PGAP3: variants seen among roughly 807,000 people sequenced by gnomAD.
PGAP3 encodes the protein GPI-specific phospholipase A2-like PGAP3.
PGAP3 carries 31 observed loss-of-function variants against 40.3 expected under a neutral mutation model. That is an observed-to-expected ratio of 0.77 (90% CI 0.58 to 1.04). PGAP3 has a LOEUF of 1.04. PGAP3 is among the 50% of genes least tolerant of loss of function. The probability of loss-of-function intolerance (pLI) is 0.00; values close to 1 mark genes in which losing one functional copy is unlikely to be tolerated. For synonymous variants in PGAP3, 191 were observed against 184.5 expected (o/e 1.04, Z -0.29); for missense variants, 413 against 423.0 (o/e 0.98, Z 0.21).
At chr17:39,687,518 C>CA (rs1567881203) in intron 1 of PGAP3, among the ~76,000 whole-genome samples, 1 of 152,244 alleles carries the variant, frequency 6.6e-6, no homozygotes, top group Non-Finnish European at 1.5e-5. Context: ...CTCTGCCTTG[C>CA]ACTTGAAAAG....
intron 3 of PGAP3, among the ~76,000 whole-genome samples, chr17:39,680,708 TC>T (rs2057428644): frequency 1.3e-5 from 2 of 152,180 alleles, no homozygotes; most frequent in African/African-American, 4.8e-5. Context: ...CACCTGCCCC[TC>T]CGGCTACTCC....
At chr17:39,672,941 C>T (rs1393284839) in intron 7 of PGAP3, 75 bp from the exon 8 acceptor site, 1 of 1,587,050 alleles carries the variant, frequency 6.3e-7, no homozygotes, top group East Asian at 2.2e-5. Context: ...GGGGTGCATG[C>T]AGGCAAGGTG....
Position 39,688,009 on chromosome 17 carries a change from G to A in PGAP3, c.6C>T (p.Ala2=), listed in dbSNP as rs199645746. 47 of 1,406,556 alleles carry A rather than the reference G, an allele frequency of 3.3e-5. No individual in the cohort carries two copies. In the East Asian group the frequency reaches 4.9e-4, roughly 15 times the overall value. 87.1% of individuals were successfully genotyped at this position (1,406,556 alleles called of 1,614,324 possible). A position where few individuals can be genotyped will look rare whatever the true frequency, so the allele number is the denominator to read the frequency against. The change falls in exon 1 of 8, where the codon GCC becomes GCT. Residue 2 remains alanine (A), a synonymous_variant. Coordinates refer to ENST00000300658, the MANE Select transcript of PGAP3 (RefSeq NM_033419.5). ...GCAGGACCAACCGCGCCGCCAGGCC[G>A]GCCATCCTTTCTCCCTGGCTCGCCG... is the stretch of plus-strand genomic sequence containing the variant. M[A]GLAARLVLLA... is the part of the protein sequence containing the mutation.
intron 3 of PGAP3, among the ~76,000 whole-genome samples, chr17:39,683,374 G>A (rs1365916579): frequency 6.6e-6 from 1 of 152,188 alleles, no homozygotes; most frequent in Non-Finnish European, 1.5e-5. Context: ...CCCCAGGGAA[G>A]CCTTCCCTGA....
intron 2 of PGAP3, 43 bp from the exon 3 acceptor site, chr17:39,684,792 C>A: frequency 6.6e-7 from 1 of 1,518,848 alleles, no homozygotes; most frequent in Non-Finnish European, 8.8e-7. Flanking sequence ...GGCAGGCAAC[C>A]CTCAACTGGC....
chr17:39,674,098 C>T (rs773223819), intron 4 of PGAP3, 44 bp from the exon 5 acceptor site: 71 of 1,586,896 alleles, frequency 4.5e-5, no homozygotes, highest in Middle Eastern at 1.7e-4. Flanking sequence ...TGAGGCTTCA[C>T]GGAGAGGACC....
chr17:39,676,370 G>C (rs1235660436), intron 3 of PGAP3, among the ~76,000 whole-genome samples: 5 of 152,178 alleles, frequency 3.3e-5, no homozygotes, highest in South Asian at 2.1e-4. Flanking sequence ...CAGCAGGAAG[G>C]GGGAGGTGAG....
At chr17:39,672,926 A>T in intron 7 of PGAP3, 60 bp from the exon 8 acceptor site, 1 of 1,593,430 alleles carries the variant, frequency 6.3e-7, no homozygotes, top group Non-Finnish European at 8.6e-7. Context: ...CATGGAGACA[A>T]GGGTGGGGTG....
chr17:39,684,862 G>A, intron 2 of PGAP3, 113 bp from the exon 3 acceptor site: 1 of 1,324,752 alleles, frequency 7.5e-7, no homozygotes, highest in Non-Finnish European at 1.0e-6. Context: ...CCTCAGCTCT[G>A]GAGTTTGGCC....
chr17:39,678,059 G>A (rs565482354), intron 3 of PGAP3, among the ~76,000 whole-genome samples: 39 of 152,300 alleles, frequency 2.6e-4, no homozygotes, highest in African/African-American at 8.9e-4. Context: ...CCTGAGAGAA[G>A]GGAGACAGAG....
At chr17:39,676,133 G>T (rs79524843) in intron 3 of PGAP3, among the ~76,000 whole-genome samples, 8,241 of 152,256 alleles carry the variant, frequency 0.054, 406 homozygotes, top group African/African-American at 0.13. Context: ...ACTGAACCTG[G>T]TGGCTTCTCA....
In PGAP3 at chr17:39,680,860, C is replaced by CT. The variant is rs112398620; in HGVS notation, c.432+3736dup. Among the ~76,000 whole-genome samples the CT allele has an allele frequency of 3.4e-3, 493 of 146,536 alleles. 4 individuals are homozygous for CT. The highest frequency in any genetic ancestry group is 0.031 in the South Asian group (144 of 4,638). Reference sequence around the variant, plus strand: ...CCACACCCACAGCTTCTATCACTGTCTTTTTTTTTTTTAAAGACAGGTCAC... The same window carrying CT: ...CCACACCCACAGCTTCTATCACTGTCTTTTTTTTTTTTTAAAGACAGGTCAC... On this transcript the variant is annotated intron_variant, in intron 3 of 7. Coordinates refer to ENST00000300658, the MANE Select transcript of PGAP3 (RefSeq NM_033419.5).
chr17:39,674,018 G>A lies in PGAP3; in HGVS notation c.532C>T (p.His178Tyr), dbSNP rs1286509958. 2 of 1,614,108 alleles carry A rather than the reference G, an allele frequency of 1.2e-6. No individual in the cohort carries two copies. The highest frequency in any genetic ancestry group is 2.2e-5 in the East Asian group (1 of 44,888). Residue 178 changes from histidine (H) to tyrosine (Y), a missense_variant, in exon 5 of 8, where the codon CAC (histidine) becomes TAC (tyrosine). Physicochemically the swap from His to Tyr is moderately conservative, Grantham distance 83. Transcript: ENST00000300658. The part of the protein sequence containing the change: ...DYFCASTVIL[H>Y]SIYLCCVRTV... ...CTGACGCAGCACAGGTAGATTGAGT[G>A]TAGGATGACAGTGGAGGCACAGAAG...
chr17:39,681,443 C>T (rs1042553894), intron 3 of PGAP3, among the ~76,000 whole-genome samples: 9 of 152,122 alleles, frequency 5.9e-5, no homozygotes, highest in East Asian at 3.8e-4. Context: ...ATTGAGCCCC[C>T]GCACTAGACC....
chr17:39,680,170 C>T (rs570087244), intron 3 of PGAP3, among the ~76,000 whole-genome samples: 2 of 152,348 alleles, frequency 1.3e-5, no homozygotes, highest in South Asian at 2.1e-4. Context: ...TCACAGGACA[C>T]GGAGTGGCCT....
In PGAP3 at chr17:39,687,826, G is replaced by C; in HGVS notation, c.181+8C>G. On this transcript the variant is annotated splice_region_variant and intron_variant, in intron 1 of 7. Transcript: ENST00000300658. ...ATGGGCGGGGCTTACCGTGGGGGTG[G>C]GGCTTACCTGCTAGACTCATGTAGA... 1.4e-6 allele frequency: 2 copies of C among 1,425,524 alleles called. No homozygotes were observed. The highest frequency in any genetic ancestry group is 1.9e-6 in the Non-Finnish European group (2 of 1,071,208). The allele number at this position is 1,425,524 out of a possible 1,614,324, so 88.3% of individuals were successfully genotyped here. A position where few individuals can be genotyped will look rare whatever the true frequency, so the allele number is the denominator to read the frequency against.
chr17:39,687,914 A>T lies in PGAP3; in HGVS notation c.101T>A (p.Leu34Gln). ...DREPVYRDCV[L>Q]QCEEQNCSGG... ...AGAGCAGTTCTGCTCTTCGCACTGC[A>T]GTACGCAGTCGCGGTACACCGGCTC... The change falls in exon 1 of 8, where the codon CTG becomes CAG. Residue 34 changes from leucine to glutamine, a missense_variant. By Grantham distance (113) the Leu-to-Gln change is moderately radical. Transcript: ENST00000300658. 1 of 1,515,468 alleles carries T rather than the reference A, an allele frequency of 6.6e-7. No homozygotes were observed. The highest frequency in any genetic ancestry group is 8.9e-7 in the Non-Finnish European group (1 of 1,122,142). The allele number at this position is 1,515,468 out of a possible 1,614,324, so 93.9% of individuals were successfully genotyped here.
intron 1 of PGAP3, 24 bp from the exon 2 acceptor site, chr17:39,686,043 G>C: frequency 6.3e-7 from 1 of 1,595,926 alleles, no homozygotes; most frequent in Non-Finnish European, 8.6e-7. Context: ...ATGTGGCCTG[G>C]TGAACTCCCC....
At position 39,673,125 on chromosome 17, in the gene PGAP3, T is replaced by A. The variant is rs755814767; in HGVS notation, c.825A>T (p.Pro275=). 7.5e-6 allele frequency: 12 copies of A among 1,607,374 alleles called. No homozygotes were observed. In the South Asian group the frequency reaches 1.2e-4, roughly 16 times the overall value. ...GLSLLELLDF[P]PLFWVLDAHA... Reference sequence around the variant, plus strand: ...GGGCATCCAGGACCCAGAAGAGCGGTGGGAAGTCAAGCAGCTCGAGCAGGG... The same window carrying A: ...GGGCATCCAGGACCCAGAAGAGCGGAGGGAAGTCAAGCAGCTCGAGCAGGG... Residue 275 remains proline, a synonymous_variant, in exon 7 of 8, where the codon CCA becomes CCT. Coordinates refer to ENST00000300658, the MANE Select transcript of PGAP3 (RefSeq NM_033419.5).
Sources: gnomAD v4.1 joint callset for allele counts (sites outside exome capture counted in the v4.1 genomes callset) on GRCh38, gnomAD v4.1.1 for gene constraint, MANE v1.5 for transcripts, NCBI Gene and HGNC (gene_info 2026-07-23, HGNC 2026-07-21) for gene names.